SNX18: variants seen among roughly 807,000 people sequenced by gnomAD.
The protein encoded by SNX18 is sorting nexin-18.
Under a neutral mutation model 48.7 loss-of-function variants are expected in SNX18, and 35 were observed. The observed-to-expected ratio is 0.72, with a 90% CI of 0.55 to 0.95. The LOEUF (loss-of-function observed/expected upper bound fraction) is 0.95, where lower values mean the gene tolerates loss of function less well. SNX18 is among the 40% of genes least tolerant of loss of function. The pLI is 0.00. For synonymous variants in SNX18, 492 were observed against 384.7 expected, an observed-to-expected ratio of 1.28 and a Z score of -3.26; for missense variants, 824 against 871.0, an observed-to-expected ratio of 0.95 and a Z score of 0.68.
the SNX18 span, among the ~76,000 whole-genome samples, chr5:54,589,132 T>C: frequency 2.0e-5 from 3 of 152,318 alleles, no homozygotes; most frequent in East Asian, 1.9e-4. Flanking sequence ...GTTGCACATA[T>C]ACATTGACAC....
chr5:54,608,986 T>C, the SNX18 span, among the ~76,000 whole-genome samples: 1 of 152,222 alleles, frequency 6.6e-6, no homozygotes, highest in Non-Finnish European at 1.5e-5. Flanking sequence ...GTATATCTCA[T>C]GCTGGGCAGC....
chr5:54,523,694 GC>G (rs1762074967), intron 1 of SNX18, among the ~76,000 whole-genome samples: 3 of 151,970 alleles, frequency 2.0e-5, no homozygotes, highest in Admixed American at 2.0e-4. Context: ...TTCAATAAAA[GC>G]CCCAGGACCT....
the SNX18 span, among the ~76,000 whole-genome samples, chr5:54,622,915 C>G: frequency 6.6e-6 from 1 of 152,122 alleles, no homozygotes; most frequent in African/African-American, 2.4e-5. Context: ...TAAAATACTT[C>G]AAAGTTAGAA....
At chr5:54,559,589 G>A in the SNX18 span, among the ~76,000 whole-genome samples, 5 of 152,068 alleles carry the variant, frequency 3.3e-5, no homozygotes, top group African/African-American at 7.2e-5. Context: ...AGACTTAAAT[G>A]TAAAACCCAA....
the SNX18 span, among the ~76,000 whole-genome samples, chr5:54,630,614 A>T: frequency 6.6e-6 from 1 of 152,180 alleles, no homozygotes; most frequent in African/African-American, 2.4e-5. Flanking sequence ...TGGGTGGATC[A>T]CTTGAGGTCA....
At chr5:54,540,047 C>T (rs1762434926) in intron 1 of SNX18, among the ~76,000 whole-genome samples, 1 of 151,786 alleles carries the variant, frequency 6.6e-6, no homozygotes, top group Non-Finnish European at 1.5e-5. Context: ...AAAAATGAGT[C>T]CCAAATTCTT....
the SNX18 span, among the ~76,000 whole-genome samples, chr5:54,637,660 T>C: frequency 6.6e-6 from 1 of 152,204 alleles, no homozygotes; most frequent in East Asian, 1.9e-4. Flanking sequence ...ACAGGGCAGT[T>C]GACATTACCT....
chr5:54,615,142 A>T, the SNX18 span, among the ~76,000 whole-genome samples: 1 of 152,204 alleles, frequency 6.6e-6, no homozygotes, highest in Admixed American at 6.5e-5. Context: ...CCCTTGTGGG[A>T]TCCATTTTGG....
chr5:54,579,702 C>T, the SNX18 span, among the ~76,000 whole-genome samples: 4 of 152,098 alleles, frequency 2.6e-5, no homozygotes, highest in African/African-American at 9.7e-5. Context: ...CATTCAGTGA[C>T]TAGAATTATC....
the SNX18 span, among the ~76,000 whole-genome samples, chr5:54,602,972 C>T: frequency 1.3e-5 from 2 of 152,118 alleles, no homozygotes; most frequent in African/African-American, 4.8e-5. Context: ...CCCTCTCCTG[C>T]CCTGCTCATA....
chr5:54,568,514 C>T, the SNX18 span, among the ~76,000 whole-genome samples: 1 of 150,892 alleles, frequency 6.6e-6, no homozygotes, highest in Non-Finnish European at 1.5e-5. Context: ...CTTCCCCAGA[C>T]TGCTGCAAAA....
the SNX18 span, among the ~76,000 whole-genome samples, chr5:54,576,160 C>G: frequency 3.3e-5 from 5 of 152,156 alleles, no homozygotes; most frequent in African/African-American, 9.7e-5. Context: ...AGTGAGTGAG[C>G]CTTCATGTGT....
chr5:54,572,762 A>G, the SNX18 span, among the ~76,000 whole-genome samples: 11 of 93,374 alleles, frequency 1.2e-4, no homozygotes, highest in African/African-American at 3.3e-4. Context: ...GTGTATATAT[A>G]TATATATATA....
At chr5:54,584,779 C>T in the SNX18 span, among the ~76,000 whole-genome samples, 5 of 152,238 alleles carry the variant, frequency 3.3e-5, no homozygotes, top group East Asian at 9.7e-4. Context: ...AATGAGGAGG[C>T]ATAGCTTTGC....
chr5:54,572,774 ATTTTTTTTTTTTTTTTTT>A, the SNX18 span, among the ~76,000 whole-genome samples: 2 of 38,410 alleles, frequency 5.2e-5, no homozygotes, highest in Non-Finnish European at 9.2e-5. Flanking sequence ...ATATATATAT[ATTTTTTTTTTTTTTTTTT>A]TTTTTTTTTT....
chr5:54,579,357 A>T, the SNX18 span, among the ~76,000 whole-genome samples: 3 of 152,124 alleles, frequency 2.0e-5, no homozygotes, highest in Non-Finnish European at 4.4e-5. Flanking sequence ...AAAAGAAAAA[A>T]AAGTAATAAT....
In SNX18 at chr5:54,518,648, C is replaced by A; in HGVS notation, c.696C>A (p.Phe232Leu). Residue 232 changes from phenylalanine (F) to leucine (L), a missense_variant, in exon 1 of 2, where the codon TTC becomes TTA. Phe to Leu is a conservative substitution (Grantham distance 22). Coordinates refer to ENST00000381410, the MANE Select transcript of SNX18 (RefSeq NM_001102575.2). ...CCGTGAGCCGCAACCTCAATCGCTT[C>A]TCCACCTTCGTCAAGTCCGGCGGGG... is the stretch of plus-strand genomic sequence containing the variant. ...SATVSRNLNR[F>L]STFVKSGGEA... The A allele has an allele frequency of 6.4e-7, 1 of 1,559,074 alleles. No individual in the cohort carries two copies. The highest frequency in any genetic ancestry group is 8.7e-7 in the Non-Finnish European group (1 of 1,153,904).
At chr5:54,643,504 A>T in the SNX18 span, 1 of 152,202 alleles carries the variant, frequency 6.6e-6, no homozygotes, top group Non-Finnish European at 1.5e-5. Context: ...TACCTTTTTT[A>T]AAAAACGACT....
the SNX18 span, among the ~76,000 whole-genome samples, chr5:54,633,755 T>C: frequency 6.6e-6 from 1 of 152,220 alleles, no homozygotes; most frequent in Non-Finnish European, 1.5e-5. Context: ...TCCAGCTTAG[T>C]GAGAGCTTAA....
Sources: allele counts gnomAD v4.1 joint callset (sites outside exome capture counted in the v4.1 genomes callset), GRCh38; gene constraint gnomAD v4.1.1; transcripts MANE v1.5; gene names NCBI Gene and HGNC (gene_info 2026-07-23, HGNC 2026-07-21).